The following VCAN variants were observed in gnomAD, a reference collection of about 807,000 sequenced individuals.
VCAN encodes the protein versican core protein.
VCAN carries 44 observed loss-of-function variants against 245.5 expected under a neutral mutation model. The observed-to-expected ratio is 0.18, with a 90% CI of 0.14 to 0.23. The LOEUF is 0.23. Ranked by LOEUF, VCAN falls within the 10% of genes least tolerant of loss-of-function variation. The probability of loss-of-function intolerance (pLI) is 1.00; values close to 1 mark genes in which losing one functional copy is unlikely to be tolerated. For missense variants in VCAN, 3,793 were observed against 4,057.9 expected (o/e 0.93, Z 1.77); for synonymous variants, 1,413 against 1,437.0 (o/e 0.98, Z 0.38).
At chr5:83,552,362 A>G (rs1479326257) in intron 10 of VCAN, among the ~76,000 whole-genome samples, 2 of 152,130 alleles carry the variant, frequency 1.3e-5, no homozygotes, top group East Asian at 3.9e-4. Context: ...GGTGCCTGAA[A>G]TTCTATAAAC....
At chr5:83,513,580 A>G (rs577643476) in intron 6 of VCAN, among the ~76,000 whole-genome samples, 2 of 152,190 alleles carry the variant, frequency 1.3e-5, no homozygotes, top group Non-Finnish European at 2.9e-5. Context: ...TGTTAAAGCC[A>G]TGTGTTCTGT....
At chr5:83,579,356 C>T (rs1748586156) in intron 13 of VCAN, among the ~76,000 whole-genome samples, 1 of 152,058 alleles carries the variant, frequency 6.6e-6, no homozygotes, top group Non-Finnish European at 1.5e-5. Context: ...CTCCGCCTCC[C>T]AGGTTCAAGT....
intron 12 of VCAN, among the ~76,000 whole-genome samples, chr5:83,563,038 C>G (rs974356690): frequency 6.6e-6 from 1 of 152,158 alleles, no homozygotes; most frequent in African/African-American, 2.4e-5. Context: ...TATCAGGAGA[C>G]CCCAAGTTAG....
chr5:83,505,703 C>T (rs1745461564), intron 5 of VCAN, among the ~76,000 whole-genome samples: 1 of 152,208 alleles, frequency 6.6e-6, no homozygotes, highest in African/African-American at 2.4e-5. Flanking sequence ...AGGGAGTGCC[C>T]CTGTAGGGAC....
chr5:83,504,490 C>T (rs1163004903), intron 5 of VCAN, among the ~76,000 whole-genome samples: 3 of 151,862 alleles, frequency 2.0e-5, no homozygotes, highest in Non-Finnish European at 4.4e-5. Flanking sequence ...TCAAGCGATC[C>T]TCCTGCCTCA....
In VCAN at chr5:83,538,386, G is replaced by A. The variant is rs1561255095; in HGVS notation, c.5383G>A (p.Glu1795Lys). ...GACAGATTCTACTCCTGTCTTTACAGAAACAAATACATTAGAAAATTTGGG... is the reference window on the plus strand; with the variant it reads ...GACAGATTCTACTCCTGTCTTTACAAAAACAAATACATTAGAAAATTTGGG... ...EMTDSTPVFT[E>K]TNTLENLGAQ... The change falls in exon 8 of 15, where the codon GAA becomes AAA. Residue 1795 changes from glutamate (E) to lysine (K), a missense_variant. Physicochemically the swap from Glu to Lys is moderately conservative, Grantham distance 56. This residue lies in a region of VCAN where 3,182 missense variants were observed against 3,250.3 expected (regional missense o/e 0.98). Coordinates refer to ENST00000265077, the MANE Select transcript of VCAN (RefSeq NM_004385.5). The A allele has an allele frequency of 6.2e-7, 1 of 1,613,984 alleles. No homozygotes were observed. The highest frequency in any genetic ancestry group is 8.5e-7 in the Non-Finnish European group (1 of 1,179,948).
intron 13 of VCAN, among the ~76,000 whole-genome samples, chr5:83,576,252 C>T (rs944880266): frequency 2.2e-4 from 34 of 151,934 alleles, no homozygotes; most frequent in Non-Finnish European, 8.8e-5. Context: ...ATGATATACA[C>T]TTGTTTCACT....
chr5:83,579,337 C>T (rs1051557504), intron 13 of VCAN, among the ~76,000 whole-genome samples: 5 of 152,136 alleles, frequency 3.3e-5, no homozygotes, highest in Non-Finnish European at 1.5e-5. Flanking sequence ...AATCTCGGCT[C>T]ACTGCAACCT....
At chr5:83,526,065 G>A (rs979356396) in intron 7 of VCAN, among the ~76,000 whole-genome samples, 31 of 151,392 alleles carry the variant, frequency 2.0e-4, no homozygotes, top group African/African-American at 6.8e-4. Context: ...TCAGCCTCCC[G>A]AGTAGCTGGG....
At chr5:83,476,780 G>T (rs1017523381) in intron 1 of VCAN, among the ~76,000 whole-genome samples, 2 of 152,022 alleles carry the variant, frequency 1.3e-5, no homozygotes, top group African/African-American at 4.8e-5. Flanking sequence ...TCAGAGGTCA[G>T]TACAGAGAAT....
intron 12 of VCAN, among the ~76,000 whole-genome samples, chr5:83,568,316 G>T (rs1748160480): frequency 6.6e-6 from 1 of 152,180 alleles, no homozygotes; most frequent in Non-Finnish European, 1.5e-5. Flanking sequence ...GATCAGATAT[G>T]AGGTAATAGT....
chr5:83,564,076 A>T (rs1384735836), intron 12 of VCAN, among the ~76,000 whole-genome samples: 1 of 152,222 alleles, frequency 6.6e-6, no homozygotes, highest in Non-Finnish European at 1.5e-5. Context: ...AATAGAATGC[A>T]GTCAGGTTGG....
intron 5 of VCAN, among the ~76,000 whole-genome samples, chr5:83,500,887 G>A (rs919327590): frequency 2.6e-5 from 4 of 152,160 alleles, no homozygotes; most frequent in African/African-American, 4.8e-5. Context: ...GGAAATGCTA[G>A]GCTGTTTTTC....
chr5:83,521,686 G>A lies in VCAN; in HGVS notation c.3380G>A (p.Gly1127Glu). The stretch of plus-strand genomic sequence containing the variant: ...GTGGTAACACTAACACCACGCATTG[G>A]GCCAAAAGTATCTTTAAGTCCAGGG... ...DEVVTLTPRI[G>E]PKVSLSPGPE... The change falls in exon 7 of 15, where the codon GGG becomes GAG. Residue 1127 changes from glycine to glutamate, a missense_variant. Physicochemically the swap from Gly to Glu is moderately conservative, Grantham distance 98. Coordinates refer to ENST00000265077, the MANE Select transcript of VCAN (RefSeq NM_004385.5). The A allele has an allele frequency of 6.2e-7, 1 of 1,613,848 alleles. No individual in the cohort carries two copies.
chr5:83,551,700 T>C (rs545809959), intron 10 of VCAN, among the ~76,000 whole-genome samples: 3 of 152,274 alleles, frequency 2.0e-5, no homozygotes, highest in East Asian at 3.9e-4. Flanking sequence ...TATGCCATTA[T>C]AAATCACATT....
At chr5:83,573,544 A>C (rs1474198686) in intron 13 of VCAN, among the ~76,000 whole-genome samples, 1 of 152,230 alleles carries the variant, frequency 6.6e-6, no homozygotes, top group Non-Finnish European at 1.5e-5. Flanking sequence ...GAATTCTGGA[A>C]AAAAACAAAT....
intron 3 of VCAN, among the ~76,000 whole-genome samples, chr5:83,491,446 T>C (rs1345526614): frequency 6.6e-6 from 1 of 152,230 alleles, no homozygotes; most frequent in Non-Finnish European, 1.5e-5. Context: ...TACCCTTTTA[T>C]ATTCAAATTC....
chr5:83,506,687 C>G (rs1745492277), intron 5 of VCAN, among the ~76,000 whole-genome samples: 2 of 152,158 alleles, frequency 1.3e-5, no homozygotes, highest in African/African-American at 2.4e-5. Context: ...CAGCAACACC[C>G]CACTGTACTG....
intron 9 of VCAN, among the ~76,000 whole-genome samples, chr5:83,547,752 A>G (rs941089308): frequency 1.3e-5 from 2 of 152,214 alleles, no homozygotes; most frequent in South Asian, 2.1e-4. Context: ...CAGGATGGCC[A>G]CTTATATTTG....
Sources: gnomAD v4.1 joint callset for allele counts (sites outside exome capture counted in the v4.1 genomes callset) on GRCh38, gnomAD v4.1.1 for gene constraint, gnomAD v4.1.1 regional missense constraint, MANE v1.5 for transcripts, NCBI Gene and HGNC (gene_info 2026-07-23, HGNC 2026-07-21) for gene names.